Variants in DNAH14 observed in about 807,000 individuals in gnomAD.
The protein encoded by DNAH14 is dynein axonemal heavy chain 14.
Under a neutral mutation model 520.9 loss-of-function variants are expected in DNAH14, and 478 were observed. That is an observed-to-expected ratio of 0.92 (90% confidence interval 0.85 to 0.99). The LOEUF (loss-of-function observed/expected upper bound fraction) is 0.99. Ranked by LOEUF, DNAH14 falls within the 50% of genes least tolerant of loss-of-function variation. DNAH14 has a pLI of 0.00. For missense variants in DNAH14, 4,831 were observed against 5,234.5 expected (o/e 0.92, Z 2.38); for synonymous variants, 1,581 against 1,757.2 (o/e 0.90, Z 2.51).
chr1:225,119,108 C>A, intron 25 of DNAH14, 112 bp from the exon 26 acceptor site: 1 of 683,818 alleles, frequency 1.5e-6, no homozygotes, highest in Non-Finnish European at 2.2e-6. Context: ...AGTCCTTTGG[C>A]CCATGAATAT....
chr1:225,175,730 G>A (rs2083252410), intron 36 of DNAH14, among the ~76,000 whole-genome samples: 1 of 128,074 alleles, frequency 7.8e-6, no homozygotes. Flanking sequence ...TTGAGATGGA[G>A]TATCACTCTG....
intron 4 of DNAH14, among the ~76,000 whole-genome samples, chr1:224,962,999 GTGAGA>G (rs1289299736): frequency 6.6e-6 from 1 of 152,094 alleles, no homozygotes. Flanking sequence ...GCCAGTCTGA[GTGAGA>G]TATGTGTTTT....
chr1:225,007,675 A>G (rs1244584474), intron 10 of DNAH14, 131 bp downstream of exon 10: 6 of 583,338 alleles, frequency 1.0e-5, no homozygotes, highest in Admixed American at 4.1e-5. Context: ...TTAACCAACT[A>G]ACTGGTACTA....
chr1:225,006,039 T>C (rs901809959), intron 9 of DNAH14, among the ~76,000 whole-genome samples: 3 of 152,200 alleles, frequency 2.0e-5, no homozygotes. Context: ...GAAGATTTCA[T>C]GGACATTTAT....
intron 59 of DNAH14, 92 bp downstream of exon 59, chr1:225,307,661 G>C (rs1041402274): frequency 1.4e-5 from 14 of 972,914 alleles, no homozygotes; most frequent in Admixed American, 3.5e-5. Flanking sequence ...ACAAAGACAG[G>C]CTAGAATTCC....
intron 41 of DNAH14, among the ~76,000 whole-genome samples, chr1:225,217,616 C>A (rs1159147547): frequency 6.6e-6 from 1 of 152,206 alleles, no homozygotes; most frequent in Non-Finnish European, 1.5e-5. Flanking sequence ...CGCCCCTCCC[C>A]CAGCCTCACT....
rs779851768 is a variant in DNAH14, at chr1:225,305,028, C to A, written c.8944C>A (p.Gln2982Lys). The change falls in exon 58 of 86, where the codon CAA becomes AAA. Residue 2982 changes from glutamine to lysine, a missense_variant. Coordinates refer to ENST00000682510, the MANE Select transcript of DNAH14 (RefSeq NM_001367479.1). The part of the protein sequence containing the change: ...FYYTTPNSYL[Q>K]FMETFAHILR... ...TTATACCACTCCCAATAGCTACTTG[C>A]AATTTATGGAAACATTTGCACACAT... The A allele has an allele frequency of 6.5e-7, 1 of 1,544,838 alleles. No homozygotes were observed. Among genetic ancestry groups the A allele is most frequent in the African/African-American group, 1.4e-5 (1 of 72,622 alleles).
rs1046010237 is a variant in DNAH14 at position 225,336,098 on chromosome 1, C to T, written c.10081-1168C>T. ...ACTTATATATACATATATGCTTATACATATATGTATAAGACTACACATATG... is the reference window on the plus strand; with the variant it reads ...ACTTATATATACATATATGCTTATATATATATGTATAAGACTACACATATG... On this transcript the variant is annotated intron_variant, in intron 66 of 85. Transcript: ENST00000682510. Among the ~76,000 whole-genome samples, 5 of 147,550 alleles carry T rather than the reference C, an allele frequency of 3.4e-5. No individual in the cohort carries two copies. The Admixed American group carries it at 3.4e-4, about 10-fold the overall frequency.
At chr1:225,177,102 A>T (rs1416551763) in intron 36 of DNAH14, among the ~76,000 whole-genome samples, 1 of 152,194 alleles carries the variant, frequency 6.6e-6, no homozygotes, top group East Asian at 1.9e-4. Flanking sequence ...AATAAGGTCC[A>T]GGCTGAGGTA....
chr1:225,098,046 C>T (rs576724492), intron 22 of DNAH14, among the ~76,000 whole-genome samples: 2 of 152,012 alleles, frequency 1.3e-5, no homozygotes, highest in Admixed American at 6.6e-5. Context: ...CAAACAAAAC[C>T]GCCAGGTTTA....
chr1:225,170,368 G>T lies in DNAH14; in HGVS notation c.5535+2340G>T, dbSNP rs191870805. ...AGACCCATCAGTGTGCTGTATTCAG[G>T]AGACCCATCTCACGTGCAGAGACAC... On this transcript the variant is annotated intron_variant, in intron 36 of 85. Transcript: ENST00000682510. Among the ~76,000 whole-genome samples, 670 of 152,264 alleles carry T rather than the reference G, an allele frequency of 4.4e-3. 2 individuals are homozygous for T. Among genetic ancestry groups the T allele is most frequent in the Non-Finnish European group, 7.3e-3 (496 of 68,018 alleles).
In DNAH14 at chr1:225,152,677, GT is replaced by G. The variant is rs372229433; in HGVS notation, c.5010-15del. 7.4e-4 allele frequency: 1,117 copies of G among 1,509,812 alleles called. 7 individuals carry two copies. The African/African-American group carries it at 0.014, about 18-fold the overall frequency. The allele number at this position is 1,509,812 out of a possible 1,614,324, so 93.5% of individuals were successfully genotyped here. ...TTGAGAAGTGGTGTTTTTATTGTTTGTTTTTCTTTTCCTCTTCAGATACGGA... is the reference window on the plus strand; with the variant it reads ...TTGAGAAGTGGTGTTTTTATTGTTTGTTTTCTTTTCCTCTTCAGATACGGA... On this transcript the variant is annotated intron_variant, in intron 32 of 85. Transcript: ENST00000682510.
intron 8 of DNAH14, among the ~76,000 whole-genome samples, chr1:224,985,341 A>G (rs2062555666): frequency 6.6e-6 from 1 of 152,234 alleles, no homozygotes; most frequent in Non-Finnish European, 1.5e-5. Context: ...AGAGACTATT[A>G]TTCTAAGTGA....
At chr1:225,246,171 G>T (rs929525146) in intron 43 of DNAH14, among the ~76,000 whole-genome samples, 1 of 149,200 alleles carries the variant, frequency 6.7e-6, no homozygotes, top group Non-Finnish European at 1.5e-5. Flanking sequence ...AAACTGGCTA[G>T]CCATATGCAG....
intron 12 of DNAH14, among the ~76,000 whole-genome samples, chr1:225,040,756 G>T (rs2148204657): frequency 6.6e-6 from 1 of 152,262 alleles, no homozygotes; most frequent in East Asian, 1.9e-4. Context: ...CTGGGTGAAA[G>T]CATATGTTAT....
chr1:225,167,904 A>G (rs1300083810), intron 35 of DNAH14, 35 bp from the exon 36 acceptor site: 5 of 1,215,312 alleles, frequency 4.1e-6, no homozygotes, highest in Non-Finnish European at 5.7e-6. Context: ...TTCATTTGCA[A>G]TGCATTTTAA....
chr1:224,963,656 C>A (rs185578111), intron 4 of DNAH14, among the ~76,000 whole-genome samples: 4 of 152,064 alleles, frequency 2.6e-5, no homozygotes, highest in Admixed American at 2.6e-4. Context: ...ATTTTTATAT[C>A]TGGGTCTATG....
At chr1:224,979,820 G>T (rs906520483) in intron 8 of DNAH14, among the ~76,000 whole-genome samples, 1 of 152,126 alleles carries the variant, frequency 6.6e-6, no homozygotes, top group Non-Finnish European at 1.5e-5. Context: ...AGTAGGAGAG[G>T]GTACCAGGCA....
chr1:224,930,595 CT>C (rs1204967779), intron 1 of DNAH14, among the ~76,000 whole-genome samples: 1 of 152,102 alleles, frequency 6.6e-6, no homozygotes, highest in Non-Finnish European at 1.5e-5. Context: ...TATGTATTTA[CT>C]ATACCATACT....
Sources: gnomAD v4.1 joint callset for allele counts (sites outside exome capture counted in the v4.1 genomes callset) on GRCh38, gnomAD v4.1.1 for gene constraint, MANE v1.5 for transcripts, NCBI Gene and HGNC (gene_info 2026-07-23, HGNC 2026-07-21) for gene names.